Variants in BMF observed in about 807,000 individuals in gnomAD.
The protein encoded by BMF is Bcl2 modifying factor, also known as bcl-2-modifying factor.
Under a neutral mutation model 22.0 loss-of-function variants are expected in BMF, and 10 were observed. The observed-to-expected ratio is 0.45, with a 90% CI of 0.28 to 0.77. The LOEUF is 0.77. Among genes scored for constraint, BMF ranks in the 30% least tolerant of loss-of-function variants. BMF has a pLI of 0.13. For synonymous variants in BMF, 87 were observed against 88.1 expected (o/e 0.99, Z 0.07); for missense variants, 206 against 226.8 (o/e 0.91, Z 0.59).
intron 4 of BMF, among the ~76,000 whole-genome samples, chr15:40,102,290 G>A (rs1056731193): frequency 1.3e-5 from 2 of 151,994 alleles, no homozygotes; most frequent in Non-Finnish European, 2.9e-5. Flanking sequence ...TTAGCCAGGT[G>A]TGGTGGTGCG....
chr15:40,102,130 C>T (rs1032041872), intron 4 of BMF, among the ~76,000 whole-genome samples: 14 of 152,086 alleles, frequency 9.2e-5, no homozygotes, highest in Non-Finnish European at 8.8e-5. Flanking sequence ...TGATGCCAAC[C>T]AGCAAAAAGC....
Position 40,091,712 on chromosome 15 carries a change from G to A in BMF, c.*75C>T. On this transcript the variant is annotated 3_prime_UTR_variant, in exon 5 of 5. Transcript: ENST00000354670. ...CAAAAAAACAATTTCACAAGACACA[G>A]TGTCAGTCCTGCCCGATGTCCTTCC... 9.4e-7 allele frequency: 1 copy of A among 1,061,024 alleles called. No homozygotes were observed. Among genetic ancestry groups the A allele is most frequent in the Non-Finnish European group, 1.4e-6 (1 of 719,840 alleles). 65.7% of individuals were successfully genotyped at this position (1,061,024 alleles called of 1,614,324 possible).
chr15:40,099,732 C>T (rs767209806), intron 4 of BMF, among the ~76,000 whole-genome samples: 4 of 147,210 alleles, frequency 2.7e-5, no homozygotes, highest in South Asian at 2.2e-4. Context: ...GAGCCGAGAT[C>T]GCACCACTGT....
Position 40,089,212 on chromosome 15 carries a change from C to T in BMF, c.*2575G>A, listed in dbSNP as rs1485093807. 8.0e-6 allele frequency: 1 copy of T among 124,678 alleles called. No individual in the cohort carries two copies. Among genetic ancestry groups the T allele is most frequent in the African/African-American group, 2.8e-5 (1 of 35,134 alleles). The allele number at this position is 124,678 out of a possible 1,614,324, so 7.7% of individuals were successfully genotyped here. A position where few individuals can be genotyped will look rare whatever the true frequency, so the allele number is the denominator to read the frequency against. Reference sequence around the variant, plus strand: ...GGATGGAGTCTGAGGGGGTGGAGGTCGGGGGGGAGGGGCAGGTCTCCTGAG... The same window carrying T: ...GGATGGAGTCTGAGGGGGTGGAGGTTGGGGGGGAGGGGCAGGTCTCCTGAG... On this transcript the variant is annotated 3_prime_UTR_variant, in exon 5 of 5. Transcript: ENST00000354670.
chr15:40,092,216 C>T (rs944113964), intron 4 of BMF, among the ~76,000 whole-genome samples: 11 of 152,190 alleles, frequency 7.2e-5, no homozygotes, highest in Admixed American at 7.2e-4. Flanking sequence ...ATCAGATTGG[C>T]TCCCGAGCCC....
chr15:40,092,667 A>T (rs2036264627), intron 4 of BMF, among the ~76,000 whole-genome samples: 1 of 152,182 alleles, frequency 6.6e-6, no homozygotes, highest in Non-Finnish European at 1.5e-5. Context: ...TATGCTCTGG[A>T]GGTTATCCCA....
At chr15:40,092,451 ACT>A (rs1265703144) in intron 4 of BMF, among the ~76,000 whole-genome samples, 1 of 142,006 alleles carries the variant, frequency 7.0e-6, no homozygotes, top group African/African-American at 2.7e-5. Context: ...ACACACACAG[ACT>A]CACACACACA....
intron 4 of BMF, among the ~76,000 whole-genome samples, chr15:40,093,352 C>T (rs1341128761): frequency 2.0e-5 from 3 of 152,230 alleles, no homozygotes; most frequent in African/African-American, 2.4e-5. Context: ...AAGCTGGAGG[C>T]GCAGCTCCTG....
intron 4 of BMF, among the ~76,000 whole-genome samples, chr15:40,096,148 GCCT>G (rs1485429833): frequency 6.7e-6 from 1 of 149,558 alleles, no homozygotes; most frequent in Non-Finnish European, 1.5e-5. Flanking sequence ...CTAGTAAAAG[GCCT>G]CCTTTTTTTT....
At chr15:40,099,769 C>T (rs1419416964) in intron 4 of BMF, among the ~76,000 whole-genome samples, 1 of 130,694 alleles carries the variant, frequency 7.7e-6, no homozygotes. Flanking sequence ...AAGAACGAAA[C>T]GCTGTCTCAC....
At chr15:40,108,562 AC>A (rs1292761258) in intron 1 of BMF, 176 bp from the exon 2 acceptor site, 2 of 152,254 alleles carry the variant, frequency 1.3e-5, no homozygotes, top group African/African-American at 4.8e-5. Flanking sequence ...CCCAAATGCT[AC>A]CCCCAAGTTC....
Position 40,089,059 on chromosome 15 carries a change from C to A in BMF, c.*2728G>T, listed in dbSNP as rs1390743117. ...TTTCCAGTCCCTCTCCCAACCCCCACCCTCAGCAAGCCACAAAGCCTCCAC... is the reference window on the plus strand; with the variant it reads ...TTTCCAGTCCCTCTCCCAACCCCCAACCTCAGCAAGCCACAAAGCCTCCAC... On this transcript the variant is annotated 3_prime_UTR_variant, in exon 5 of 5. Transcript: ENST00000354670. 1 of 152,692 alleles carries A rather than the reference C, an allele frequency of 6.5e-6. No individual in the cohort carries two copies. The highest frequency in any genetic ancestry group is 1.5e-5 in the Non-Finnish European group (1 of 68,092). The allele number at this position is 152,692 out of a possible 1,614,324, so 9.5% of individuals were successfully genotyped here. A position where few individuals can be genotyped will look rare whatever the true frequency, so the allele number is the denominator to read the frequency against.
chr15:40,092,817 G>T (rs958988628), intron 4 of BMF, among the ~76,000 whole-genome samples: 3 of 152,028 alleles, frequency 2.0e-5, no homozygotes, highest in African/African-American at 7.2e-5. Flanking sequence ...TGCTGGAAGA[G>T]GCGGTCTTTG....
At chr15:40,096,397 A>G (rs2036362644) in intron 4 of BMF, among the ~76,000 whole-genome samples, 1 of 152,138 alleles carries the variant, frequency 6.6e-6, no homozygotes, top group African/African-American at 2.4e-5. Context: ...AATTCACCCC[A>G]AAGTATCAGA....
At chr15:40,093,282 G>GTCCA (rs1293281601) in intron 4 of BMF, among the ~76,000 whole-genome samples, 1 of 152,112 alleles carries the variant, frequency 6.6e-6, no homozygotes, top group Admixed American at 6.6e-5. Flanking sequence ...GAATGCCCCC[G>GTCCA]TCCATCATGG....
chr15:40,102,490 AAGTTAGGAGGGCCCCC>A (rs2036499294), intron 4 of BMF, among the ~76,000 whole-genome samples: 1 of 151,450 alleles, frequency 6.6e-6, no homozygotes, highest in Non-Finnish European at 1.5e-5. Context: ...GTTCAGGACC[AAGTTAGGAGGGCCCCC>A]AGGACTGTAT....
At chr15:40,104,371 T>C in intron 3 of BMF, 31 bp from the exon 4 acceptor site, 1 of 1,611,844 alleles carries the variant, frequency 6.2e-7, no homozygotes, top group Non-Finnish European at 8.5e-7. Flanking sequence ...CATCTCAGCA[T>C]TCTCCACAAC....
At chr15:40,093,411 C>G (rs767576026) in intron 4 of BMF, among the ~76,000 whole-genome samples, 1 of 152,210 alleles carries the variant, frequency 6.6e-6, no homozygotes, top group Non-Finnish European at 1.5e-5. Context: ...GCCTGGCAGA[C>G]AGAGGGTGGG....
chr15:40,094,422 C>T (rs1490507211), intron 4 of BMF, among the ~76,000 whole-genome samples: 13 of 152,070 alleles, frequency 8.5e-5, no homozygotes, highest in Admixed American at 7.2e-4. Context: ...CATGCCTCTG[C>T]GTGTGACAGT....
Sources: gnomAD v4.1 joint callset for allele counts (sites outside exome capture counted in the v4.1 genomes callset) on GRCh38, gnomAD v4.1.1 for gene constraint, MANE v1.5 for transcripts, NCBI Gene and HGNC (gene_info 2026-07-23, HGNC 2026-07-21) for gene names.